CREBBP: variants seen among roughly 807,000 people sequenced by gnomAD.
The protein encoded by CREBBP is CREB binding lysine acetyltransferase.
In CREBBP, 19 loss-of-function variants were observed where a neutral mutation model predicts 265.0. That is an observed-to-expected ratio of 0.07 (90% CI 0.05 to 0.11). The LOEUF (loss-of-function observed/expected upper bound fraction) is 0.11. Ranked by LOEUF, CREBBP falls within the 10% of genes least tolerant of loss-of-function variation. The probability of loss-of-function intolerance (pLI) is 1.00; values close to 1 mark genes in which losing one functional copy is unlikely to be tolerated. For missense variants in CREBBP, 2,525 were observed against 3,219.0 expected (o/e 0.78, Z 5.22); for synonymous variants, 1,457 against 1,223.7 (o/e 1.19, Z -3.98).
At chr16:3,814,701 C>T (rs1242519839) in intron 2 of CREBBP, among the ~76,000 whole-genome samples, 1 of 151,988 alleles carries the variant, frequency 6.6e-6, no homozygotes, top group Non-Finnish European at 1.5e-5. Context: ...TTGATTCTCA[C>T]AAGGTAAAAA....
intron 1 of CREBBP, among the ~76,000 whole-genome samples, chr16:3,858,529 A>G (rs1485805280): frequency 6.6e-6 from 1 of 152,196 alleles, no homozygotes; most frequent in Non-Finnish European, 1.5e-5. Flanking sequence ...GAAAGCAGGG[A>G]TCCTGTCTTG....
intron 10 of CREBBP, 155 bp from the exon 11 acceptor site, chr16:3,777,812 C>T: frequency 9.3e-7 from 1 of 1,073,692 alleles, no homozygotes; most frequent in South Asian, 1.3e-5. Flanking sequence ...CCAGCGCACC[C>T]TGTAAAGGGC....
At chr16:3,757,765 A>AG (rs2052621044) in intron 18 of CREBBP, 44 bp downstream of exon 18, 3 of 1,610,590 alleles carry the variant, frequency 1.9e-6, no homozygotes, top group Non-Finnish European at 2.5e-6. Context: ...CTCTGGCTGG[A>AG]TTAACCAGGA....
chr16:3,819,089 GGCCTGTGGGC>G (rs796394710), intron 2 of CREBBP, among the ~76,000 whole-genome samples: 20 of 152,380 alleles, frequency 1.3e-4, no homozygotes, highest in African/African-American at 4.8e-4. Flanking sequence ...GGCAAAGTGC[GGCCTGTGGGC>G]CAAAGGCAGC....
chr16:3,730,112 G>A (rs1276287688), intron 30 of CREBBP, among the ~76,000 whole-genome samples: 7 of 152,106 alleles, frequency 4.6e-5, no homozygotes, highest in African/African-American at 1.2e-4. Context: ...TGGACAGGAC[G>A]GGGGCATGGA....
At position 3,728,070 on chromosome 16, in the gene CREBBP, T is replaced by G. The variant is rs1190871113; in HGVS notation, c.6977A>C (p.Gln2326Pro). The change falls in exon 31 of 31, where the codon CAG becomes CCG. Residue 2326 changes from glutamine to proline, a missense_variant. Physicochemically the swap from Gln to Pro is moderately conservative, Grantham distance 76. Coordinates refer to ENST00000262367, the MANE Select transcript of CREBBP (RefSeq NM_004380.3). This position sits in a 1 kb window ranked among gnomAD's most constrained non-coding sequence, Gnocchi z 8.7. ...CTGCTGGCCAGGGAGATGCGAGGCCTGTGGCTGTCCTGAGAGCATGTGTTG... is the reference window on the plus strand; with the variant it reads ...CTGCTGGCCAGGGAGATGCGAGGCCGGTGGCTGTCCTGAGAGCATGTGTTG... ...PQQHMLSGQP[Q>P]ASHLPGQQIA... is the part of the protein sequence containing the mutation. 1 of 1,614,010 alleles carries G rather than the reference T, an allele frequency of 6.2e-7. No individual in the cohort carries two copies. The highest frequency in any genetic ancestry group is 8.5e-7 in the Non-Finnish European group (1 of 1,179,920).
chr16:3,789,797 G>A (rs987197024), intron 5 of CREBBP, among the ~76,000 whole-genome samples: 1 of 151,708 alleles, frequency 6.6e-6, no homozygotes, highest in African/African-American at 2.4e-5. Context: ...CTTACATTCT[G>A]ACTAGTAGAA....
chr16:3,771,888 G>A (rs552650595), intron 13 of CREBBP, among the ~76,000 whole-genome samples: 5 of 149,792 alleles, frequency 3.3e-5, no homozygotes, highest in African/African-American at 9.9e-5. Context: ...TTGGCTCACT[G>A]CAACCTCCAT....
At chr16:3,877,806 C>A (rs979477583) in intron 1 of CREBBP, among the ~76,000 whole-genome samples, 1 of 152,202 alleles carries the variant, frequency 6.6e-6, no homozygotes, top group South Asian at 2.1e-4. Context: ...AACACATGAC[C>A]CAACTTAAGT....
At chr16:3,813,683 T>C (rs979204531) in intron 2 of CREBBP, among the ~76,000 whole-genome samples, 4 of 152,170 alleles carry the variant, frequency 2.6e-5, no homozygotes, top group African/African-American at 7.2e-5. Flanking sequence ...CTCGATCAAT[T>C]CATCCTCGAA....
intron 2 of CREBBP, among the ~76,000 whole-genome samples, chr16:3,827,100 C>CA (rs1555492067): frequency 1.3e-5 from 2 of 151,524 alleles, no homozygotes. Flanking sequence ...GGCTGTAGTA[C>CA]ACTATAATTG....
At chr16:3,860,644 C>T (rs1349353688) in intron 1 of CREBBP, among the ~76,000 whole-genome samples, 1 of 152,092 alleles carries the variant, frequency 6.6e-6, no homozygotes, top group African/African-American at 2.4e-5. Flanking sequence ...TAAATACATA[C>T]AATTTTTATT....
intron 28 of CREBBP, among the ~76,000 whole-genome samples, chr16:3,734,690 C>T (rs932848492): frequency 6.6e-6 from 1 of 152,196 alleles, no homozygotes; most frequent in Admixed American, 6.5e-5. Context: ...CCCACGCCAC[C>T]CCCTGCCCGC....
In CREBBP at chr16:3,725,751, A is replaced by G. The variant is rs1336037954; in HGVS notation, c.*1967T>C. 3 of 233,146 alleles carry G rather than the reference A, an allele frequency of 1.3e-5. No homozygotes were observed. The highest frequency in any genetic ancestry group is 5.6e-5 in the Admixed American group (1 of 17,778). 14.4% of individuals were successfully genotyped at this position (233,146 alleles called of 1,614,324 possible). On this transcript the variant is annotated 3_prime_UTR_variant, in exon 31 of 31. Coordinates refer to ENST00000262367, the MANE Select transcript of CREBBP (RefSeq NM_004380.3). The stretch of plus-strand genomic sequence containing the variant: ...AGGTTCCTCGAATTCAGATTCCCAA[A>G]CCAAGTATTCAGCTATTTAAAACCT...
chr16:3,729,324 TG>T lies in CREBBP; in HGVS notation c.5722del (p.Gln1908SerfsTer7), dbSNP rs1596786752. 1 of 1,563,986 alleles carries T rather than the reference TG, an allele frequency of 6.4e-7. No homozygotes were observed. ...STPQTPQPPAQPQPSPVSMSP... is the reference protein window; with the variant it reads ...STPQTPQPPAXPQPSPVSMSP... The stretch of plus-strand genomic sequence containing the variant: ...CATGCTCACGGGTGAGGGTTGGGGC[TG>T]GGCAGGGGGCTGCGGCGTCTGGGGT... On this transcript the variant is annotated frameshift_variant, in exon 31 of 31. Coordinates refer to ENST00000262367, the MANE Select transcript of CREBBP (RefSeq NM_004380.3). LOFTEE classifies it high-confidence loss of function.
In CREBBP at chr16:3,782,840, G is replaced by A. The variant is rs983292998; in HGVS notation, c.1417C>T (p.Pro473Ser). The A allele has an allele frequency of 1.9e-6, 3 of 1,614,120 alleles. No individual in the cohort carries two copies. Among genetic ancestry groups the A allele is most frequent in the Non-Finnish European group, 2.5e-6 (3 of 1,180,038 alleles). Residue 473 changes from proline to serine, a missense_variant, in exon 6 of 31, where the codon CCA becomes TCA. Transcript: ENST00000262367. ...ATGGAGCTGGGGTCTATGGGATTTG[G>A]GTTACTTAAAGAAGTGGCATTCTGT... ...GQQNATSLSN[P>S]NPIDPSSMQR...
chr16:3,749,425 G>A (rs1393592436), intron 21 of CREBBP, among the ~76,000 whole-genome samples: 2 of 152,108 alleles, frequency 1.3e-5, no homozygotes, highest in Non-Finnish European at 2.9e-5. Flanking sequence ...TTAAAATCCA[G>A]TAACTAGAGT....
chr16:3,879,978 G>C lies in CREBBP; in HGVS notation c.-62C>G, dbSNP rs750197913. The C allele has an allele frequency of 2.6e-6, 4 of 1,511,858 alleles. No individual in the cohort carries two copies. Among genetic ancestry groups the C allele is most frequent in the East Asian group, 2.4e-5 (1 of 41,448 alleles). The allele number at this position is 1,511,858 out of a possible 1,614,324, so 93.7% of individuals were successfully genotyped here. A position where few individuals can be genotyped will look rare whatever the true frequency, so the allele number is the denominator to read the frequency against. ...GGCCGGGCCGGCGAGGGCCCGGACG[G>C]GGGTCGGGGGCCCTGCCGGCTGCGA... On this transcript the variant is annotated 5_prime_UTR_variant, in exon 1 of 31. Coordinates refer to ENST00000262367, the MANE Select transcript of CREBBP (RefSeq NM_004380.3).
At chr16:3,773,020 G>A (rs773544747) in intron 13 of CREBBP, among the ~76,000 whole-genome samples, 5 of 151,844 alleles carry the variant, frequency 3.3e-5, no homozygotes, top group Admixed American at 1.3e-4. Flanking sequence ...CCCGGGAGGC[G>A]GAGGTTGCAG....
Sources: gnomAD v4.1 joint callset for allele counts (sites outside exome capture counted in the v4.1 genomes callset) on GRCh38, gnomAD v4.1.1 for gene constraint, Gnocchi (gnomAD v3.1) non-coding constraint, MANE v1.5 for transcripts, NCBI Gene and HGNC (gene_info 2026-07-23, HGNC 2026-07-21) for gene names.